Variants in ADAMTS19 observed in about 807,000 individuals in gnomAD.
ADAMTS19 encodes the protein ADAM metallopeptidase with thrombospondin type 1 motif 19, also known as A disintegrin and metalloproteinase with thrombospondin motifs 19.
Under a neutral mutation model 153.3 loss-of-function variants are expected in ADAMTS19, and 93 were observed. The observed-to-expected ratio is 0.61, with a 90% confidence interval of 0.51 to 0.72. The LOEUF (loss-of-function observed/expected upper bound fraction) is 0.72, where lower values mean the gene tolerates loss of function less well. Among genes scored for constraint, ADAMTS19 ranks in the 30% least tolerant of loss-of-function variants. ADAMTS19 has a pLI of 0.00. For missense variants in ADAMTS19, 1,482 were observed against 1,552.1 expected, an observed-to-expected ratio of 0.95 and a Z score of 0.76; for synonymous variants, 600 against 556.6, an observed-to-expected ratio of 1.08 and a Z score of -1.10.
chr5:129,705,403 T>G (rs1391473517), intron 21 of ADAMTS19, among the ~76,000 whole-genome samples: 2 of 152,146 alleles, frequency 1.3e-5, no homozygotes, highest in Non-Finnish European at 2.9e-5. Context: ...CCCAAAGCAA[T>G]CCATGGCATT....
At chr5:129,688,862 TA>T (rs1342937173) in intron 18 of ADAMTS19, among the ~76,000 whole-genome samples, 6 of 152,238 alleles carry the variant, frequency 3.9e-5, no homozygotes, top group Non-Finnish European at 7.3e-5. Context: ...TAAAACATCT[TA>T]AAATATTTGG....
At chr5:129,597,365 T>C (rs1177940582) in intron 8 of ADAMTS19, among the ~76,000 whole-genome samples, 1 of 152,186 alleles carries the variant, frequency 6.6e-6, no homozygotes, top group Admixed American at 6.5e-5. Flanking sequence ...GTTATTAGTG[T>C]ACCCATTTTA....
At chr5:129,715,019 A>T (rs1756661649) in intron 21 of ADAMTS19, among the ~76,000 whole-genome samples, 2 of 152,144 alleles carry the variant, frequency 1.3e-5, no homozygotes, top group African/African-American at 4.8e-5. Context: ...TTTCTCCAAG[A>T]CCTACTATTA....
chr5:129,698,467 G>A (rs186686092), intron 19 of ADAMTS19, among the ~76,000 whole-genome samples: 7 of 152,150 alleles, frequency 4.6e-5, no homozygotes, highest in Non-Finnish European at 1.0e-4. Context: ...GAATTCACTA[G>A]TAAATACCTT....
At position 129,737,481 on chromosome 5, in the gene ADAMTS19, T is replaced by C. The variant is rs1410331233; in HGVS notation, c.*263T>C. On this transcript the variant is annotated 3_prime_UTR_variant, in exon 23 of 23. Coordinates refer to ENST00000274487, the MANE Select transcript of ADAMTS19 (RefSeq NM_133638.6). ...ATAATAAAAAGAAAAAGGAAAAAAA[T>C]AGATCATTATACTTAAAACAAGTTT... 4.4e-6 allele frequency: 1 copy of C among 228,250 alleles called. No homozygotes were observed. The highest frequency in any genetic ancestry group is 9.2e-5 in the East Asian group (1 of 10,870). The allele number at this position is 228,250 out of a possible 1,614,324, so 14.1% of individuals were successfully genotyped here.
Position 129,632,070 on chromosome 5 carries a change from A to G in ADAMTS19, c.1770+9722A>G, listed in dbSNP as rs1752321756. ...ATTTAAAGGGCCAGATAGTAAATAT[A>G]TTAGGCTTGTCAGCAGCAGAGCCTC... On this transcript the variant is annotated intron_variant, in intron 10 of 22. Coordinates refer to ENST00000274487, the MANE Select transcript of ADAMTS19 (RefSeq NM_133638.6). Among the ~76,000 whole-genome samples, 3 of 152,008 alleles carry G rather than the reference A, an allele frequency of 2.0e-5. No individual in the cohort carries two copies. In the South Asian group the frequency reaches 6.2e-4, roughly 31 times the overall value.
chr5:129,563,284 G>A (rs1753587955), intron 7 of ADAMTS19, among the ~76,000 whole-genome samples: 1 of 151,698 alleles, frequency 6.6e-6, no homozygotes, highest in African/African-American at 2.4e-5. Flanking sequence ...AGCAATTATT[G>A]AGGTCATCTT....
At chr5:129,523,790 C>G (rs1290728691) in intron 3 of ADAMTS19, among the ~76,000 whole-genome samples, 2 of 151,842 alleles carry the variant, frequency 1.3e-5, no homozygotes, top group Non-Finnish European at 2.9e-5. Flanking sequence ...GAATTGAAAA[C>G]TACTGCTCAA....
At chr5:129,614,410 T>C (rs1244884476) in intron 8 of ADAMTS19, among the ~76,000 whole-genome samples, 1 of 152,046 alleles carries the variant, frequency 6.6e-6, no homozygotes, top group Non-Finnish European at 1.5e-5. Context: ...TAATCCAGCA[T>C]ATAAACAGAA....
intron 11 of ADAMTS19, among the ~76,000 whole-genome samples, chr5:129,645,294 C>T (rs1259737229): frequency 6.6e-6 from 1 of 152,148 alleles, no homozygotes; most frequent in Admixed American, 6.5e-5. Flanking sequence ...TGCTGCTCTC[C>T]ATAATATCCC....
At chr5:129,481,805 G>C (rs115080782) in intron 2 of ADAMTS19, among the ~76,000 whole-genome samples, 3,960 of 152,218 alleles carry the variant, frequency 0.026, 80 homozygotes, top group South Asian at 0.066. Flanking sequence ...TGTTTTCATG[G>C]AGGTCTTTAT....
chr5:129,665,498 G>A lies in ADAMTS19; in HGVS notation c.2426-1G>A. On this transcript the variant is annotated splice_acceptor_variant, in intron 15 of 22. Transcript: ENST00000274487. LOFTEE classifies it high-confidence loss of function. ...ATTTCATGTTTTATTGACTCTTACA[G>A]GTTATGTAGAAGTGCTGGTGATACC... The A allele has an allele frequency of 6.2e-7, 1 of 1,604,042 alleles. No individual in the cohort carries two copies. Among genetic ancestry groups the A allele is most frequent in the South Asian group, 1.1e-5 (1 of 90,242 alleles).
intron 10 of ADAMTS19, among the ~76,000 whole-genome samples, chr5:129,637,390 T>G (rs1752577959): frequency 6.6e-6 from 1 of 152,178 alleles, no homozygotes; most frequent in Admixed American, 6.6e-5. Context: ...CTGTTGAAAT[T>G]TGTTTAGCAT....
intron 21 of ADAMTS19, among the ~76,000 whole-genome samples, chr5:129,720,187 T>C (rs1408280926): frequency 6.8e-6 from 1 of 147,578 alleles, no homozygotes; most frequent in African/African-American, 2.6e-5. Context: ...TTTTTTTTTT[T>C]TGGAGACAAA....
At position 129,737,355 on chromosome 5, in the gene ADAMTS19, A is replaced by T. The variant is rs1757714461; in HGVS notation, c.*137A>T. The T allele has an allele frequency of 2.2e-6, 2 of 929,146 alleles. No homozygotes were observed. Among genetic ancestry groups the T allele is most frequent in the Non-Finnish European group, 2.9e-6 (2 of 690,226 alleles). 57.6% of individuals were successfully genotyped at this position (929,146 alleles called of 1,614,324 possible). On this transcript the variant is annotated 3_prime_UTR_variant, in exon 23 of 23. Transcript: ENST00000274487. ...ATTAATTTATTTTTTTGCCTGCCAA[A>T]CATCCAATGTGGTGCTTGTTTTGGT...
chr5:129,727,320 T>C (rs754957315), intron 21 of ADAMTS19, among the ~76,000 whole-genome samples: 53 of 152,192 alleles, frequency 3.5e-4, no homozygotes, highest in Non-Finnish European at 7.1e-4. Context: ...GATAATAAAT[T>C]ATATGATCAC....
Position 129,460,443 on chromosome 5 carries a change from C to T in ADAMTS19, c.52C>T (p.Leu18Phe), listed in dbSNP as rs1212594614. 6.2e-7 allele frequency: 1 copy of T among 1,614,060 alleles called. No individual in the cohort carries two copies. Among genetic ancestry groups the T allele is most frequent in the Non-Finnish European group, 8.5e-7 (1 of 1,180,034 alleles). ...GACTCACATCTGCTGCTGCTGCCTCCTTTACCAGCTGGGGTTCCTGTCGAA... is the reference window on the plus strand; with the variant it reads ...GACTCACATCTGCTGCTGCTGCCTCTTTTACCAGCTGGGGTTCCTGTCGAA... The part of the protein sequence containing the change: ...RLTHICCCCL[L>F]YQLGFLSNGI... Residue 18 changes from leucine to phenylalanine, a missense_variant, in exon 1 of 23, where the codon CTT becomes TTT. Physicochemically the swap from Leu to Phe is conservative, Grantham distance 22. Around this residue, in one of 2 missense-constraint regions of ADAMTS19, gnomAD observed 866 missense variants for 827.7 expected, o/e 1.05. Transcript: ENST00000274487.
intron 21 of ADAMTS19, among the ~76,000 whole-genome samples, chr5:129,718,251 A>G (rs1196913340): frequency 1.3e-5 from 2 of 151,850 alleles, no homozygotes; most frequent in African/African-American, 2.4e-5. Flanking sequence ...TTCATAAGCA[A>G]TCTGTTTGAT....
At chr5:129,460,629 G>T (rs1749615196) in intron 1 of ADAMTS19, 147 bp downstream of exon 1, 1 of 824,198 alleles carries the variant, frequency 1.2e-6, no homozygotes, top group Non-Finnish European at 2.0e-6. Context: ...TGCAGGTTAA[G>T]GGGTCAAGTT....
Sources: gnomAD v4.1 joint callset for allele counts (sites outside exome capture counted in the v4.1 genomes callset) on GRCh38, gnomAD v4.1.1 for gene constraint, gnomAD v4.1.1 regional missense constraint, MANE v1.5 for transcripts, NCBI Gene and HGNC (gene_info 2026-07-23, HGNC 2026-07-21) for gene names.